Variants in DOK5 observed in about 807,000 individuals in gnomAD.
DOK5 encodes the protein docking protein 5.
A neutral mutation model predicts 43.3 loss-of-function variants in DOK5; 27 were observed. The observed-to-expected ratio is 0.62, with a 90% CI of 0.46 to 0.86. The LOEUF is 0.86. Among genes scored for constraint, DOK5 ranks in the 40% least tolerant of loss-of-function variants. The probability of loss-of-function intolerance (pLI) is 0.00; values close to 1 mark genes in which losing one functional copy is unlikely to be tolerated. For synonymous variants in DOK5, 146 were observed against 140.1 expected (o/e 1.04, Z -0.30); for missense variants, 373 against 392.9 (o/e 0.95, Z 0.43).
chr20:54,518,972 G>A lies in DOK5; in HGVS notation c.67-35961G>A, dbSNP rs1452051306. Among the ~76,000 whole-genome samples the A allele has an allele frequency of 2.6e-4, 40 of 152,220 alleles. 1 individual carries two copies. Among genetic ancestry groups the A allele is most frequent in the Admixed American group, 1.2e-3 (19 of 15,282 alleles). ...GAAAAAATGCTCATCATCACTGGCC[G>A]TCAGAGAGATGCAAATCAAAACCAC... On this transcript the variant is annotated intron_variant, in intron 1 of 7. Coordinates refer to ENST00000262593, the MANE Select transcript of DOK5 (RefSeq NM_018431.5).
Position 54,500,796 on chromosome 20 carries a change from G to A in DOK5, c.66+24784G>A, listed in dbSNP as rs540890545. 9.2e-5 allele frequency among the ~76,000 whole-genome samples: 14 copies of A among 152,068 alleles called. No homozygotes were observed. The South Asian group carries it at 2.7e-3, about 29-fold the overall frequency. On this transcript the variant is annotated intron_variant, in intron 1 of 7. Transcript: ENST00000262593. ...GGCTGGTCTCGAACTCCCAACCTCA[G>A]GTGATTCGCCTGTCTCAGCCTCCCA...
intron 1 of DOK5, among the ~76,000 whole-genome samples, chr20:54,510,854 G>A (rs934032819): frequency 1.3e-5 from 2 of 152,144 alleles, no homozygotes; most frequent in Non-Finnish European, 2.9e-5. Context: ...AGTTGAAAGA[G>A]TAGCTCATTA....
At chr20:54,615,794 C>T (rs907804964) in intron 6 of DOK5, among the ~76,000 whole-genome samples, 2 of 151,956 alleles carry the variant, frequency 1.3e-5, no homozygotes, top group African/African-American at 4.8e-5. Flanking sequence ...CCTGTAGTCC[C>T]AGCTACTGAG....
At chr20:54,515,907 A>G (rs535872872) in intron 1 of DOK5, among the ~76,000 whole-genome samples, 3 of 152,334 alleles carry the variant, frequency 2.0e-5, no homozygotes, top group Non-Finnish European at 4.4e-5. Flanking sequence ...GCTTTTATGC[A>G]ATTCTGTGAT....
At chr20:54,565,852 T>TA (rs1224101569) in intron 2 of DOK5, among the ~76,000 whole-genome samples, 2 of 151,748 alleles carry the variant, frequency 1.3e-5, no homozygotes, top group Non-Finnish European at 2.9e-5. Flanking sequence ...ATGTCTCTAC[T>TA]AAAAAATACA....
At chr20:54,547,405 G>A (rs573326552) in intron 1 of DOK5, among the ~76,000 whole-genome samples, 1 of 152,106 alleles carries the variant, frequency 6.6e-6, no homozygotes, top group Non-Finnish European at 1.5e-5. Flanking sequence ...AACAGTCCTT[G>A]AATCCTTTAG....
chr20:54,530,150 A>T (rs1184470580), intron 1 of DOK5, among the ~76,000 whole-genome samples: 1 of 152,220 alleles, frequency 6.6e-6, no homozygotes, highest in African/African-American at 2.4e-5. Flanking sequence ...TGGTGTGACC[A>T]ATTTGGCTAT....
chr20:54,589,516 G>A (rs1417492980), intron 4 of DOK5, among the ~76,000 whole-genome samples: 1 of 152,148 alleles, frequency 6.6e-6, no homozygotes, highest in Non-Finnish European at 1.5e-5. Flanking sequence ...GCAAAAATCA[G>A]TGTTGATTTA....
chr20:54,552,857 A>G (rs1178119012), intron 1 of DOK5, among the ~76,000 whole-genome samples: 1 of 152,222 alleles, frequency 6.6e-6, no homozygotes, highest in Non-Finnish European at 1.5e-5. Context: ...ACAGAAGAGA[A>G]AAATGGAATA....
intron 6 of DOK5, among the ~76,000 whole-genome samples, chr20:54,638,835 C>G (rs143113158): frequency 3.1e-4 from 47 of 150,938 alleles, no homozygotes; most frequent in African/African-American, 1.1e-3. Flanking sequence ...CTCGCTGCCA[C>G]CATGCCTGGC....
intron 1 of DOK5, among the ~76,000 whole-genome samples, chr20:54,541,760 C>T (rs1600690299): frequency 6.6e-6 from 1 of 152,064 alleles, no homozygotes; most frequent in East Asian, 1.9e-4. Flanking sequence ...TAGTGAAACC[C>T]ATAAGGTCTG....
chr20:54,511,510 T>G (rs1047791393), intron 1 of DOK5, among the ~76,000 whole-genome samples: 1 of 152,240 alleles, frequency 6.6e-6, no homozygotes, highest in Non-Finnish European at 1.5e-5. Flanking sequence ...TTGTTATACA[T>G]AGTTTCTTGG....
chr20:54,596,640 AACACATATATT>A (rs368326581), intron 5 of DOK5, among the ~76,000 whole-genome samples: 55 of 152,316 alleles, frequency 3.6e-4, no homozygotes, highest in Middle Eastern at 3.4e-3. Flanking sequence ...GTAAATTGGG[AACACATATATT>A]ACTTATCTCA....
intron 1 of DOK5, among the ~76,000 whole-genome samples, chr20:54,493,797 G>A (rs1448600830): frequency 6.6e-6 from 1 of 151,976 alleles, no homozygotes; most frequent in African/African-American, 2.4e-5. Flanking sequence ...AACTTTGTTG[G>A]GTGTGGTGGC....
chr20:54,643,387 CCT>C, intron 6 of DOK5, 69 bp from the exon 7 acceptor site: 2 of 1,584,700 alleles, frequency 1.3e-6, no homozygotes, highest in Admixed American at 3.4e-5. Context: ...TCCATGCTCT[CCT>C]GTTTCCTCAG....
intron 1 of DOK5, among the ~76,000 whole-genome samples, chr20:54,519,447 T>C (rs1331216641): frequency 1.3e-5 from 2 of 152,208 alleles, no homozygotes; most frequent in Admixed American, 1.3e-4. Flanking sequence ...AAAACCATTC[T>C]GAAATGATGA....
In DOK5 at chr20:54,590,042, C is replaced by T. The variant is rs963378266; in HGVS notation, c.409+1236C>T. ...GGAGCCAAGCATAAAGAAAACCTGG[C>T]AGGTTTTGATTATGATTCATTTTTT... On this transcript the variant is annotated intron_variant, in intron 4 of 7. Coordinates refer to ENST00000262593, the MANE Select transcript of DOK5 (RefSeq NM_018431.5). Among the ~76,000 whole-genome samples the T allele has an allele frequency of 2.0e-5, 3 of 152,188 alleles. No individual in the cohort carries two copies. The East Asian group carries it at 5.8e-4, about 29-fold the overall frequency.
chr20:54,617,437 C>G (rs1986849779), intron 6 of DOK5, among the ~76,000 whole-genome samples: 1 of 152,126 alleles, frequency 6.6e-6, no homozygotes, highest in South Asian at 2.1e-4. Flanking sequence ...ACCTCAGCCT[C>G]CTGAGTATCT....
intron 2 of DOK5, among the ~76,000 whole-genome samples, chr20:54,587,292 G>C (rs1319599247): frequency 6.6e-6 from 1 of 152,176 alleles, no homozygotes; most frequent in African/African-American, 2.4e-5. Context: ...TTTATACTAT[G>C]AAAAGGGCTG....
Sources: gnomAD v4.1 joint callset for allele counts (sites outside exome capture counted in the v4.1 genomes callset) on GRCh38, gnomAD v4.1.1 for gene constraint, MANE v1.5 for transcripts, NCBI Gene and HGNC (gene_info 2026-07-23, HGNC 2026-07-21) for gene names.